CCDC141: variants seen among roughly 807,000 people sequenced by gnomAD.
The protein encoded by CCDC141 is coiled-coil domain-containing protein 141.
In CCDC141, 168 loss-of-function variants were observed where a neutral mutation model predicts 181.0. The ratio of observed to expected loss-of-function variants is 0.93; its 90% CI spans 0.82 to 1.05. The LOEUF (loss-of-function observed/expected upper bound fraction) is 1.05, where lower values mean the gene tolerates loss of function less well. Ranked by LOEUF, CCDC141 falls within the 50% of genes least tolerant of loss-of-function variation. CCDC141 has a pLI of 0.00. For missense variants in CCDC141, 1,902 were observed against 1,788.5 expected, an observed-to-expected ratio of 1.06 and a Z score of -1.14; for synonymous variants, 666 against 642.3, an observed-to-expected ratio of 1.04 and a Z score of -0.56.
Position 179,000,297 on chromosome 2 carries a change from G to GT in CCDC141, c.226-21623dup, listed in dbSNP as rs958363157. Among the ~76,000 whole-genome samples the GT allele has an allele frequency of 4.6e-5, 7 of 151,818 alleles. No individual in the cohort carries two copies. In the South Asian group the frequency reaches 6.3e-4, roughly 14 times the overall value. On this transcript the variant is annotated intron_variant, in intron 2 of 23. Transcript: ENST00000443758. ...CTCAAATTTCAATGTCCATAATAAA[G>GT]TTTTTTTTGGAACACAACTATGTCT...
At chr2:178,866,746 G>T (rs909859772) in intron 16 of CCDC141, among the ~76,000 whole-genome samples, 1 of 151,848 alleles carries the variant, frequency 6.6e-6, no homozygotes, top group Non-Finnish European at 1.5e-5. Context: ...TTTTGAGATG[G>T]AGTCTTATTT....
At chr2:178,940,244 T>C (rs567674007) in intron 6 of CCDC141, among the ~76,000 whole-genome samples, 28 of 152,220 alleles carry the variant, frequency 1.8e-4, no homozygotes, top group African/African-American at 6.5e-4. Context: ...GGGGAGGCAG[T>C]GATAAGTTAG....
chr2:178,821,982 C>T, the CCDC141 span, among the ~76,000 whole-genome samples: 2,227 of 152,174 alleles, frequency 0.015, 59 homozygotes, highest in African/African-American at 0.051. Context: ...GCACTATTCA[C>T]AATAGCAAAG....
At chr2:178,920,398 T>C (rs115255917) in intron 6 of CCDC141, among the ~76,000 whole-genome samples, 1,715 of 152,258 alleles carry the variant, frequency 0.011, 19 homozygotes, top group Non-Finnish European at 0.018. Context: ...CCCAGCACTA[T>C]GCTAAGACAG....
At chr2:178,899,660 T>C (rs1687589616) in intron 8 of CCDC141, among the ~76,000 whole-genome samples, 1 of 152,162 alleles carries the variant, frequency 6.6e-6, no homozygotes, top group South Asian at 2.1e-4. Flanking sequence ...AATAGGAACC[T>C]TAATAAACTG....
In CCDC141 at chr2:178,988,486, T is replaced by TA. The variant is rs34363305; in HGVS notation, c.226-9812dup. ...AAGTATAATAATAAAAAATAAATAA[T>TA]AAAAAAAAAGAAATTGAAGAAGACC... On this transcript the variant is annotated intron_variant, in intron 2 of 23. Transcript: ENST00000443758. Among the ~76,000 whole-genome samples, 371 of 150,426 alleles carry TA rather than the reference T, an allele frequency of 2.5e-3. 2 individuals are homozygous for TA. The highest frequency in any genetic ancestry group is 8.2e-3 in the African/African-American group (336 of 40,822).
Position 178,845,687 on chromosome 2 carries a change from A to G in CCDC141, c.3413T>C (p.Ile1138Thr), listed in dbSNP as rs773305357. The G allele has an allele frequency of 1.2e-6, 2 of 1,612,714 alleles. No homozygotes were observed. Among genetic ancestry groups the G allele is most frequent in the Non-Finnish European group, 1.7e-6 (2 of 1,178,900 alleles). ...PNLEDFHYDY[I>T]DLLKEPAKNK... is the part of the protein sequence containing the mutation. Reference sequence around the variant, plus strand: ...TTTTGCTGGTTCCTTTAGCAAGTCAATGTAATCATAATGGAAGTCTTCCAA... The same window carrying G: ...TTTTGCTGGTTCCTTTAGCAAGTCAGTGTAATCATAATGGAAGTCTTCCAA... Residue 1138 changes from isoleucine (I) to threonine (T), a missense_variant, in exon 22 of 24, where the codon ATT (isoleucine) becomes ACT (threonine). Coordinates refer to ENST00000443758, the MANE Select transcript of CCDC141 (RefSeq NM_173648.4).
intron 7 of CCDC141, among the ~76,000 whole-genome samples, chr2:178,905,963 G>A (rs1687948722): frequency 6.6e-6 from 1 of 152,298 alleles, no homozygotes; most frequent in South Asian, 2.1e-4. Flanking sequence ...AAGCACTGTA[G>A]AGAAATATTC....
At chr2:178,998,680 C>T (rs1692396530) in intron 2 of CCDC141, among the ~76,000 whole-genome samples, 1 of 151,984 alleles carries the variant, frequency 6.6e-6, no homozygotes. Context: ...CACTGACTAC[C>T]AGTGCACTCT....
chr2:178,874,151 T>G (rs527821395), intron 12 of CCDC141: 1 of 152,244 alleles, frequency 6.6e-6, no homozygotes, highest in Admixed American at 6.5e-5. Context: ...ATAATGTTTG[T>G]TTAAAAGCCT....
chr2:178,861,438 C>A (rs1685615187), intron 17 of CCDC141, among the ~76,000 whole-genome samples: 1 of 151,988 alleles, frequency 6.6e-6, no homozygotes, highest in African/African-American at 2.4e-5. Context: ...GAGTTCAAGA[C>A]CAGCCTGGCC....
chr2:179,017,724 A>G (rs1328721251), intron 2 of CCDC141, among the ~76,000 whole-genome samples: 1 of 152,190 alleles, frequency 6.6e-6, no homozygotes, highest in African/African-American at 2.4e-5. Flanking sequence ...CAGTTACCAA[A>G]TAAAGCCCTT....
chr2:178,889,440 T>TTCCG (rs1162977272), intron 8 of CCDC141, among the ~76,000 whole-genome samples: 1 of 152,164 alleles, frequency 6.6e-6, no homozygotes, highest in African/African-American at 2.4e-5. Flanking sequence ...ATTTAAGAAG[T>TTCCG]TGATGTCTTT....
chr2:178,991,231 T>C (rs1021725232), intron 2 of CCDC141, among the ~76,000 whole-genome samples: 1 of 152,214 alleles, frequency 6.6e-6, no homozygotes, highest in African/African-American at 2.4e-5. Flanking sequence ...CTCTTTGTTT[T>C]TCAGACATAC....
chr2:178,858,160 C>T (rs1477615788), intron 17 of CCDC141, among the ~76,000 whole-genome samples: 1 of 152,038 alleles, frequency 6.6e-6, no homozygotes, highest in Non-Finnish European at 1.5e-5. Context: ...ATAAATAAAT[C>T]AGTAATGTTC....
At chr2:179,045,485 G>C (rs767294272) in intron 2 of CCDC141, among the ~76,000 whole-genome samples, 2 of 152,190 alleles carry the variant, frequency 1.3e-5, no homozygotes, top group Non-Finnish European at 2.9e-5. Context: ...GTGTGCATAT[G>C]TTTTATAGCA....
chr2:178,942,872 TTAA>T (rs1349897154), intron 6 of CCDC141, among the ~76,000 whole-genome samples: 1 of 152,172 alleles, frequency 6.6e-6, no homozygotes, highest in Non-Finnish European at 1.5e-5. Flanking sequence ...TACCTGCAAC[TTAA>T]TAATATTGAT....
chr2:178,991,431 T>C (rs946493026), intron 2 of CCDC141, among the ~76,000 whole-genome samples: 1 of 91,790 alleles, frequency 1.1e-5, no homozygotes, highest in African/African-American at 2.7e-5. Flanking sequence ...CTCTTCAAAA[T>C]TTTTTTTAAC....
At chr2:179,019,825 G>T (rs1470852270) in intron 2 of CCDC141, among the ~76,000 whole-genome samples, 1 of 152,018 alleles carries the variant, frequency 6.6e-6, no homozygotes, top group Non-Finnish European at 1.5e-5. Flanking sequence ...GGAGCGCAGT[G>T]GCATGATTAT....
Sources: gnomAD v4.1 joint callset for allele counts (sites outside exome capture counted in the v4.1 genomes callset) on GRCh38, gnomAD v4.1.1 for gene constraint, MANE v1.5 for transcripts, NCBI Gene and HGNC (gene_info 2026-07-23, HGNC 2026-07-21) for gene names.